The following PCLO variants were observed in gnomAD, a reference collection of about 807,000 sequenced individuals.
The protein encoded by PCLO is protein piccolo.
In PCLO, 82 loss-of-function variants were observed where a neutral mutation model predicts 427.5. The ratio of observed to expected loss-of-function variants is 0.19; its 90% confidence interval spans 0.16 to 0.23. The LOEUF is 0.23. PCLO is among the 10% of genes least tolerant of loss of function. The probability of loss-of-function intolerance (pLI) is 1.00; values close to 1 mark genes in which losing one functional copy is unlikely to be tolerated. For synonymous variants in PCLO, 2,357 were observed against 2,155.4 expected, an observed-to-expected ratio of 1.09 and a Z score of -2.59; for missense variants, 6,239 against 6,115.9, an observed-to-expected ratio of 1.02 and a Z score of -0.67.
chr7:82,930,200 G>A (rs551326782), intron 6 of PCLO, among the ~76,000 whole-genome samples: 3 of 152,198 alleles, frequency 2.0e-5, no homozygotes, highest in East Asian at 3.9e-4. Flanking sequence ...GGGATTTCCT[G>A]GTGGCAGGAC....
intron 6 of PCLO, among the ~76,000 whole-genome samples, chr7:82,925,713 CTTTTTTTTTTTT>C (rs34017885): frequency 2.3e-4 from 18 of 78,988 alleles, no homozygotes; most frequent in Non-Finnish European, 2.8e-4. Context: ...ATTTTTGTTG[CTTTTTTTTTTTT>C]TTTTTTTTTT....
chr7:82,918,650 C>T (rs1794524212), intron 6 of PCLO, among the ~76,000 whole-genome samples: 1 of 151,990 alleles, frequency 6.6e-6, no homozygotes, highest in Admixed American at 6.6e-5. Flanking sequence ...CAACAGGAGG[C>T]TGAAAACTAC....
chr7:82,886,586 C>T (rs1267159746), intron 9 of PCLO, among the ~76,000 whole-genome samples: 1 of 152,140 alleles, frequency 6.6e-6, no homozygotes, highest in Non-Finnish European at 1.5e-5. Flanking sequence ...TATTTTTACA[C>T]TACAGGCTGA....
chr7:82,896,503 G>A (rs1793907515), intron 9 of PCLO, among the ~76,000 whole-genome samples: 1 of 151,672 alleles, frequency 6.6e-6, no homozygotes, highest in Admixed American at 6.6e-5. Context: ...GATGTTGGAA[G>A]CAGAGATTGC....
intron 10 of PCLO, among the ~76,000 whole-genome samples, chr7:82,862,761 A>G (rs1792992178): frequency 6.6e-6 from 1 of 151,994 alleles, no homozygotes; most frequent in African/African-American, 2.4e-5. Context: ...ACAGAAGACA[A>G]ACATCGCATG....
At chr7:83,154,581 G>T (rs1313009086) in intron 2 of PCLO, among the ~76,000 whole-genome samples, 167 bp downstream of exon 2, 2 of 152,026 alleles carry the variant, frequency 1.3e-5, no homozygotes, top group Non-Finnish European at 2.9e-5. Flanking sequence ...TCTAGTCAGA[G>T]AAATGTTAAA....
At chr7:82,838,542 C>T (rs1334418363) in intron 14 of PCLO, among the ~76,000 whole-genome samples, 200 bp from the exon 15 acceptor site, 1 of 151,776 alleles carries the variant, frequency 6.6e-6, no homozygotes, top group Non-Finnish European at 1.5e-5. Context: ...AGCAAACATG[C>T]TGTTCATTCT....
intron 3 of PCLO, among the ~76,000 whole-genome samples, chr7:82,993,152 T>A (rs1562904557): frequency 6.6e-6 from 1 of 152,018 alleles, no homozygotes; most frequent in Non-Finnish European, 1.5e-5. Flanking sequence ...CCTTTATAAT[T>A]CTATATATTC....
chr7:83,072,985 C>A (rs1789857728), intron 3 of PCLO, among the ~76,000 whole-genome samples: 1 of 151,916 alleles, frequency 6.6e-6, no homozygotes. Context: ...TCTCCCTCTC[C>A]CTTCCCTCTG....
At chr7:82,870,787 C>A (rs889661082) in intron 10 of PCLO, among the ~76,000 whole-genome samples, 4 of 151,828 alleles carry the variant, frequency 2.6e-5, no homozygotes, top group African/African-American at 9.7e-5. Context: ...AGCAAAAGAT[C>A]TGAATATACA....
At chr7:82,874,017 C>T (rs1427192034) in intron 10 of PCLO, among the ~76,000 whole-genome samples, 1 of 151,994 alleles carries the variant, frequency 6.6e-6, no homozygotes, top group Admixed American at 6.6e-5. Flanking sequence ...AAAAGATAAT[C>T]GAAAGGTTTA....
Position 82,902,724 on chromosome 7 carries a change from C to T in PCLO, c.13455G>A (p.Gly4485=). Residue 4485 remains glycine (G), a synonymous_variant, in exon 9 of 25, where the codon GGG becomes GGA. Coordinates refer to ENST00000333891, the MANE Select transcript of PCLO (RefSeq NM_033026.6). ...GAGGAAAGATGTAGTGCATAGTTTTCCCGTTCATCTGTATAATCTAAGACA... is the reference window on the plus strand; with the variant it reads ...GAGGAAAGATGTAGTGCATAGTTTTTCCGTTCATCTGTATAATCTAAGACA... ...QHQEQIIQMN[G]KTMHYIFPHA... 6.3e-7 allele frequency: 1 copy of T among 1,591,130 alleles called. No homozygotes were observed. The highest frequency in any genetic ancestry group is 1.7e-4 in the Middle Eastern group (1 of 6,004).
chr7:82,883,265 G>C (rs1793551872), intron 9 of PCLO, among the ~76,000 whole-genome samples: 1 of 151,824 alleles, frequency 6.6e-6, no homozygotes, highest in African/African-American at 2.4e-5. Context: ...AGTCCCCAAA[G>C]GATAGTTCAT....
chr7:82,800,259 G>C (rs1425889549), intron 22 of PCLO, among the ~76,000 whole-genome samples: 3 of 152,262 alleles, frequency 2.0e-5, no homozygotes, highest in Middle Eastern at 6.8e-3. Context: ...TGTCAGATGA[G>C]GTTTCTGAAG....
intron 3 of PCLO, among the ~76,000 whole-genome samples, chr7:83,011,266 T>C (rs889940444): frequency 2.6e-5 from 4 of 152,068 alleles, no homozygotes; most frequent in African/African-American, 9.7e-5. Context: ...AAAATATATA[T>C]TTTAGACCCA....
intron 3 of PCLO, among the ~76,000 whole-genome samples, chr7:83,073,999 T>C (rs1017635520): frequency 6.6e-6 from 1 of 151,960 alleles, no homozygotes; most frequent in Non-Finnish European, 1.5e-5. Flanking sequence ...TATAGAAAAT[T>C]AATTCAGCAT....
intron 10 of PCLO, among the ~76,000 whole-genome samples, chr7:82,877,054 TTTAGTAGCAGTC>T (rs1305974829): frequency 3.3e-5 from 5 of 152,150 alleles, no homozygotes; most frequent in African/African-American, 4.8e-5. Flanking sequence ...ATAAGAAGGA[TTTAGTAGCAGTC>T]TTAGAGCTTG....
rs1294454921 is a variant in PCLO, at chr7:83,134,241, A to ATG, written c.3300+8_3300+9insCA. 9.3e-7 allele frequency: 1 copy of ATG among 1,071,196 alleles called. No homozygotes were observed. The highest frequency in any genetic ancestry group is 1.3e-6 in the Non-Finnish European group (1 of 757,756). The allele number at this position is 1,071,196 out of a possible 1,614,324, so 66.4% of individuals were successfully genotyped here. On this transcript the variant is annotated intron_variant, in intron 3 of 24. Coordinates refer to ENST00000333891, the MANE Select transcript of PCLO (RefSeq NM_033026.6). ...GTAATATATATATATATATATATAT[A>ATG]TAACTTACCTCAGTCAAATGTGGTG...
chr7:82,956,162 T>C lies in PCLO; in HGVS notation c.4791A>G (p.Thr1597=), dbSNP rs1440206192. ...CTGCTGTTATTTTGCCTTTTCCCTT[T>C]GTTTCTTCCTTCTTCTGGCTCTCAG... ...SSTESQKKEE[T]KGKGKITAGK... The change falls in exon 5 of 25, where the codon ACA becomes ACG. Residue 1597 remains threonine (T), a synonymous_variant. Transcript: ENST00000333891. The C allele has an allele frequency of 6.2e-7, 1 of 1,608,762 alleles. No individual in the cohort carries two copies. Among genetic ancestry groups the C allele is most frequent in the Non-Finnish European group, 8.5e-7 (1 of 1,179,854 alleles).
Sources: gnomAD v4.1 joint callset for allele counts (sites outside exome capture counted in the v4.1 genomes callset) on GRCh38, gnomAD v4.1.1 for gene constraint, MANE v1.5 for transcripts, NCBI Gene and HGNC (gene_info 2026-07-23, HGNC 2026-07-21) for gene names.